MBD5: variants seen among roughly 807,000 people sequenced by gnomAD.
MBD5 encodes the protein methyl-CpG-binding domain protein 5.
In MBD5, 13 loss-of-function variants were observed where a neutral mutation model predicts 117.3. The ratio of observed to expected loss-of-function variants is 0.11; its 90% CI spans 0.07 to 0.18. The LOEUF is 0.18. Ranked by LOEUF, MBD5 falls within the 10% of genes least tolerant of loss-of-function variation. MBD5 has a pLI of 1.00. For synonymous variants in MBD5, 727 were observed against 766.4 expected (o/e 0.95, Z 0.85); for missense variants, 1,879 against 2,093.8 (o/e 0.90, Z 2.00).
At position 148,489,963 on chromosome 2, in the gene MBD5, A is replaced by T; in HGVS notation, c.4331A>T (p.Lys1444Met). 12 of 1,614,082 alleles carry T rather than the reference A, an allele frequency of 7.4e-6. No homozygotes were observed. The highest frequency in any genetic ancestry group is 1.0e-5 in the Non-Finnish European group (12 of 1,180,022). ...QSPRGERNRWKYEEFLDHPGH... is the reference protein window; with the variant it reads ...QSPRGERNRWMYEEFLDHPGH... Reference sequence around the variant, plus strand: ...CCCAGAGGGGAGCGAAACAGGTGGAAGTACGAGGAATTTTTAGATCATCCA... The same window carrying T: ...CCCAGAGGGGAGCGAAACAGGTGGATGTACGAGGAATTTTTAGATCATCCA... Residue 1444 changes from lysine (K) to methionine (M), a missense_variant, in exon 11 of 14, where the codon AAG becomes ATG. By Grantham distance (95) the Lys-to-Met change is moderately conservative. This residue lies in a region of MBD5 where 1,666 missense variants were observed against 1,792.2 expected (regional missense o/e 0.93). Coordinates refer to ENST00000642680, the MANE Select transcript of MBD5 (RefSeq NM_001378120.1).
At chr2:148,246,172 G>A (rs1278976432) in intron 3 of MBD5, among the ~76,000 whole-genome samples, 1 of 152,136 alleles carries the variant, frequency 6.6e-6, no homozygotes, top group African/African-American at 2.4e-5. Flanking sequence ...TCCAGATTCT[G>A]TATAAAGGAA....
chr2:148,142,478 T>C (rs910318010), intron 1 of MBD5, among the ~76,000 whole-genome samples: 1 of 152,186 alleles, frequency 6.6e-6, no homozygotes, highest in Admixed American at 6.5e-5. Flanking sequence ...CATAGAATTC[T>C]ATATCCAACC....
intron 3 of MBD5, among the ~76,000 whole-genome samples, chr2:148,314,762 T>G (rs1702119949): frequency 6.6e-6 from 1 of 152,142 alleles, no homozygotes; most frequent in Non-Finnish European, 1.5e-5. Context: ...TTCTTAGAAA[T>G]TATTTAGATA....
Position 148,134,230 on chromosome 2 carries a change from A to C in MBD5, c.-924-44470A>C, listed in dbSNP as rs201452966. On this transcript the variant is annotated intron_variant, in intron 1 of 13. Coordinates refer to ENST00000642680, the MANE Select transcript of MBD5 (RefSeq NM_001378120.1). ...ATAGATGACAGATAGATAGATAGAT[A>C]GATAGATCGATCGATCTACCGATAG... Among the ~76,000 whole-genome samples the C allele has an allele frequency of 3.3e-3, 436 of 132,146 alleles. 15 individuals carry two copies. The East Asian group carries it at 0.08, about 24-fold the overall frequency. The allele number at this position is 132,146 out of a possible 152,430, so 86.7% of individuals were successfully genotyped here.
chr2:148,299,134 C>CTT (rs201352160), intron 3 of MBD5, among the ~76,000 whole-genome samples: 3 of 146,314 alleles, frequency 2.1e-5, no homozygotes, highest in African/African-American at 5.0e-5. Flanking sequence ...AAAGAACTTT[C>CTT]TTTTTTTTTT....
chr2:148,071,790 A>C (rs1695365124), intron 1 of MBD5: 1 of 152,226 alleles, frequency 6.6e-6, no homozygotes, highest in Non-Finnish European at 1.5e-5. Context: ...TATTTCATAG[A>C]GGATGCTACG....
At chr2:148,175,169 T>C (rs1032858649) in intron 1 of MBD5, among the ~76,000 whole-genome samples, 1 of 152,168 alleles carries the variant, frequency 6.6e-6, no homozygotes, top group African/African-American at 2.4e-5. Flanking sequence ...ACTGGCTTCA[T>C]TTAGTTATTT....
chr2:148,434,568 G>C (rs1706097762), intron 4 of MBD5, among the ~76,000 whole-genome samples: 1 of 152,004 alleles, frequency 6.6e-6, no homozygotes, highest in South Asian at 2.1e-4. Context: ...GTATGGTTTT[G>C]AGTGATTATC....
intron 3 of MBD5, among the ~76,000 whole-genome samples, chr2:148,267,973 A>G (rs2106329548): frequency 7.7e-6 from 1 of 129,310 alleles, no homozygotes; most frequent in Non-Finnish European, 1.6e-5. Context: ...TTTTTGAGAC[A>G]GGTTCTCACT....
At chr2:148,446,473 A>G (rs1025979434) in intron 4 of MBD5, among the ~76,000 whole-genome samples, 3 of 152,080 alleles carry the variant, frequency 2.0e-5, no homozygotes, top group Non-Finnish European at 2.9e-5. Context: ...GACCCTGTGG[A>G]GTAACTGTGG....
At chr2:148,349,189 TG>T (rs911514288) in intron 4 of MBD5, among the ~76,000 whole-genome samples, 6 of 152,048 alleles carry the variant, frequency 3.9e-5, no homozygotes, top group African/African-American at 1.4e-4. Context: ...TTTCTGTAAG[TG>T]GGGTACATTT....
chr2:148,384,970 A>T (rs1291270131), intron 4 of MBD5, among the ~76,000 whole-genome samples: 1 of 152,234 alleles, frequency 6.6e-6, no homozygotes, highest in East Asian at 1.9e-4. Flanking sequence ...TTCAAGATGG[A>T]TTAAAGGCTT....
chr2:148,151,619 T>G (rs889180755), intron 1 of MBD5, among the ~76,000 whole-genome samples: 24 of 152,224 alleles, frequency 1.6e-4, no homozygotes, highest in Admixed American at 9.2e-4. Flanking sequence ...CAATTTCAGA[T>G]CCTGTTATTG....
At chr2:148,285,479 G>A (rs1459732796) in intron 3 of MBD5, among the ~76,000 whole-genome samples, 1 of 152,172 alleles carries the variant, frequency 6.6e-6, no homozygotes, top group Admixed American at 6.5e-5. Context: ...TAAACTGTTT[G>A]AAGCATCTAC....
At chr2:148,257,216 G>A (rs1371282196) in intron 3 of MBD5, among the ~76,000 whole-genome samples, 1 of 152,196 alleles carries the variant, frequency 6.6e-6, no homozygotes, top group Non-Finnish European at 1.5e-5. Flanking sequence ...TGCACATCCA[G>A]CTCAAATAGG....
At chr2:148,150,831 G>C (rs1312530443) in intron 1 of MBD5, among the ~76,000 whole-genome samples, 1 of 152,164 alleles carries the variant, frequency 6.6e-6, no homozygotes, top group African/African-American at 2.4e-5. Flanking sequence ...TCAGCTTAAG[G>C]AGATTTTGGG....
chr2:148,289,889 T>C (rs1701457693), intron 3 of MBD5, among the ~76,000 whole-genome samples: 1 of 126,150 alleles, frequency 7.9e-6, no homozygotes, highest in Non-Finnish European at 1.7e-5. Flanking sequence ...TTTTAATTAA[T>C]AGGACTGTTT....
At chr2:148,268,313 C>T (rs890492103) in intron 3 of MBD5, among the ~76,000 whole-genome samples, 2 of 152,018 alleles carry the variant, frequency 1.3e-5, no homozygotes, top group Non-Finnish European at 2.9e-5. Context: ...AATTCCTAAT[C>T]TCACGCAATC....
At chr2:148,228,181 C>A (rs2106119096) in intron 2 of MBD5, among the ~76,000 whole-genome samples, 1 of 152,270 alleles carries the variant, frequency 6.6e-6, no homozygotes, top group East Asian at 1.9e-4. Flanking sequence ...GCATCCCTGT[C>A]TTGTGCCTGT....
Sources: allele counts gnomAD v4.1 joint callset (sites outside exome capture counted in the v4.1 genomes callset), GRCh38; gene constraint gnomAD v4.1.1; regional missense constraint gnomAD v4.1.1; transcripts MANE v1.5; gene names NCBI Gene and HGNC (gene_info 2026-07-23, HGNC 2026-07-21).